The following RFX8 variants were observed in gnomAD, a reference collection of about 807,000 sequenced individuals.
RFX8 encodes the protein DNA-binding protein RFX8.
A neutral mutation model predicts 54.6 loss-of-function variants in RFX8; 46 were observed. That is an observed-to-expected ratio of 0.84 (90% CI 0.67 to 1.08). The LOEUF is 1.08. Ranked by LOEUF, RFX8 falls within the 50% of genes least tolerant of loss-of-function variation. The pLI is 0.00. For synonymous variants in RFX8, 192 were observed against 209.5 expected, an observed-to-expected ratio of 0.92 and a Z score of 0.72; for missense variants, 536 against 562.3, an observed-to-expected ratio of 0.95 and a Z score of 0.47.
rs977474457 is a variant in RFX8, at chr2:101,450,516, C to A, written c.72+16261G>T. ...GTGTTGGGATTACAGGCGTGAGCCACCACACTTGGCCTGAATGGTTCTAAC... is the reference window on the plus strand; with the variant it reads ...GTGTTGGGATTACAGGCGTGAGCCAACACACTTGGCCTGAATGGTTCTAAC... On this transcript the variant is annotated intron_variant, in intron 2 of 11. Coordinates refer to ENST00000428343, the MANE Select transcript of RFX8 (RefSeq NM_001145664.2). 1.4e-4 allele frequency: 101 copies of A among 700,438 alleles called. No homozygotes were observed. In the African/African-American group the frequency reaches 1.7e-3, roughly 12 times the overall value. 43.4% of individuals were successfully genotyped at this position (700,438 alleles called of 1,614,324 possible). A position where few individuals can be genotyped will look rare whatever the true frequency, so the allele number is the denominator to read the frequency against.
intron 11 of RFX8, among the ~76,000 whole-genome samples, chr2:101,400,758 T>A (rs1218569915): frequency 6.6e-6 from 1 of 152,228 alleles, no homozygotes; most frequent in African/African-American, 2.4e-5. Context: ...CACTTGGAGC[T>A]GAACACTGCA....
chr2:101,437,673 C>T (rs1463895271), intron 2 of RFX8, among the ~76,000 whole-genome samples: 1 of 152,188 alleles, frequency 6.6e-6, no homozygotes, highest in Non-Finnish European at 1.5e-5. Flanking sequence ...ATCTCTTTTA[C>T]ACCCTGTTTA....
intron 2 of RFX8, among the ~76,000 whole-genome samples, chr2:101,455,758 C>G (rs1688931025): frequency 6.6e-6 from 1 of 152,146 alleles, no homozygotes; most frequent in South Asian, 2.1e-4. Context: ...TGAAGAAAGT[C>G]ATTGGTAGCT....
chr2:101,474,563 C>T, intron 1 of RFX8, 73 bp downstream of exon 1: 1 of 293,912 alleles, frequency 3.4e-6, no homozygotes, highest in Non-Finnish European at 6.3e-6. Flanking sequence ...CTGCCTCCCG[C>T]TCTCACCCAG....
chr2:101,441,299 CAGT>C (rs1202902881), intron 2 of RFX8, among the ~76,000 whole-genome samples: 2 of 152,128 alleles, frequency 1.3e-5, no homozygotes, highest in Non-Finnish European at 2.9e-5. Flanking sequence ...CTCAATGTGG[CAGT>C]ATTGAGAGGT....
At chr2:101,422,308 G>A (rs1686911146) in intron 3 of RFX8, 54 bp downstream of exon 3, 1 of 866,214 alleles carries the variant, frequency 1.2e-6, no homozygotes, top group South Asian at 1.4e-5. Flanking sequence ...GCTATTTACT[G>A]CCCTAAGCAT....
At chr2:101,405,220 C>T (rs187895676) in intron 10 of RFX8, among the ~76,000 whole-genome samples, 46 of 151,248 alleles carry the variant, frequency 3.0e-4, no homozygotes, top group Admixed American at 9.9e-4. Flanking sequence ...AATCTCAGCT[C>T]GCCACAACTT....
At chr2:101,433,155 C>T (rs776695023) in intron 2 of RFX8, among the ~76,000 whole-genome samples, 62 of 152,176 alleles carry the variant, frequency 4.1e-4, no homozygotes, top group Admixed American at 9.2e-4. Context: ...GGCTATATTG[C>T]TTTAAGCAAG....
At chr2:101,445,109 G>A (rs1345318356) in intron 2 of RFX8, among the ~76,000 whole-genome samples, 1 of 152,120 alleles carries the variant, frequency 6.6e-6, no homozygotes, top group Admixed American at 6.5e-5. Flanking sequence ...GTTTCTTCCA[G>A]GGCTGCCACA....
At position 101,451,747 on chromosome 2, in the gene RFX8, A is replaced by C. The variant is rs1688695518; in HGVS notation, c.72+15030T>G. On this transcript the variant is annotated intron_variant, in intron 2 of 11. Transcript: ENST00000428343. ...CTCGGGACCGCACCTCCGGAATATA[A>C]TTCAAATATGCTAATTTTGTGAACA... 3.3e-5 allele frequency among the ~76,000 whole-genome samples: 5 copies of C among 151,846 alleles called. No individual in the cohort carries two copies. The South Asian group carries it at 1.0e-3, about 32-fold the overall frequency.
chr2:101,413,161 T>G, intron 7 of RFX8, 90 bp from the exon 8 acceptor site: 1 of 1,039,296 alleles, frequency 9.6e-7, no homozygotes, highest in Non-Finnish European at 1.4e-6. Flanking sequence ...ATTTTTGTTG[T>G]GGGGGAGAAA....
chr2:101,437,674 A>T (rs550819121), intron 2 of RFX8, among the ~76,000 whole-genome samples: 46 of 152,320 alleles, frequency 3.0e-4, no homozygotes, highest in African/African-American at 9.1e-4. Flanking sequence ...TCTCTTTTAC[A>T]CCCTGTTTAG....
Position 101,439,301 on chromosome 2 carries a change from G to A in RFX8, c.73-16829C>T, listed in dbSNP as rs191019832. 2.3e-3 allele frequency among the ~76,000 whole-genome samples: 355 copies of A among 152,136 alleles called. 3 individuals are homozygous for A. Among genetic ancestry groups the A allele is most frequent in the South Asian group, 3.7e-3 (18 of 4,832 alleles). ...TAGATACTAGTCCTTGGTCAGTTAT[G>A]TGGTTTGCAAATGTTTTCTTCCCAT... On this transcript the variant is annotated intron_variant, in intron 2 of 11. Coordinates refer to ENST00000428343, the MANE Select transcript of RFX8 (RefSeq NM_001145664.2).
intron 11 of RFX8, among the ~76,000 whole-genome samples, 196 bp downstream of exon 11, chr2:101,402,240 G>A (rs1277704036): frequency 6.6e-6 from 1 of 152,200 alleles, no homozygotes; most frequent in Non-Finnish European, 1.5e-5. Flanking sequence ...ATCTATCAAT[G>A]TCCCACAAAC....
intron 9 of RFX8, among the ~76,000 whole-genome samples, chr2:101,408,816 A>G (rs953272947): frequency 6.6e-6 from 1 of 152,176 alleles, no homozygotes; most frequent in African/African-American, 2.4e-5. Flanking sequence ...GAAGATCCCA[A>G]AGTCCCCTGC....
chr2:101,455,909 T>A (rs1688939605), intron 2 of RFX8, among the ~76,000 whole-genome samples: 1 of 152,220 alleles, frequency 6.6e-6, no homozygotes, highest in Non-Finnish European at 1.5e-5. Context: ...TGGTTTGTAG[T>A]TCTCCTTGAA....
chr2:101,459,631 T>C (rs1042616011), intron 2 of RFX8, among the ~76,000 whole-genome samples: 1 of 152,036 alleles, frequency 6.6e-6, no homozygotes, highest in African/African-American at 2.4e-5. Flanking sequence ...GCACCCACCA[T>C]ATGAGGTGTC....
chr2:101,398,955 A>G (rs1263061797), intron 11 of RFX8, among the ~76,000 whole-genome samples: 2 of 152,204 alleles, frequency 1.3e-5, no homozygotes, highest in East Asian at 1.9e-4. Flanking sequence ...TTTCACCTTT[A>G]TCTTAGAGGT....
At position 101,438,548 on chromosome 2, in the gene RFX8, T is replaced by A. The variant is rs1412787226; in HGVS notation, c.73-16076A>T. Among the ~76,000 whole-genome samples the A allele has an allele frequency of 3.9e-5, 6 of 152,342 alleles. No homozygotes were observed. The East Asian group carries it at 1.2e-3, about 29-fold the overall frequency. ...CTTAAACTTGCTATGAATGTTTGTGTGCAAGTTTCTGTGTGGATATAAGTT... is the reference window on the plus strand; with the variant it reads ...CTTAAACTTGCTATGAATGTTTGTGAGCAAGTTTCTGTGTGGATATAAGTT... On this transcript the variant is annotated intron_variant, in intron 2 of 11. Coordinates refer to ENST00000428343, the MANE Select transcript of RFX8 (RefSeq NM_001145664.2).
Sources: gnomAD v4.1 joint callset for allele counts (sites outside exome capture counted in the v4.1 genomes callset) on GRCh38, gnomAD v4.1.1 for gene constraint, MANE v1.5 for transcripts, NCBI Gene and HGNC (gene_info 2026-07-23, HGNC 2026-07-21) for gene names.